The following FIGNL2 variants were observed in gnomAD, a reference collection of about 807,000 sequenced individuals.
The protein encoded by FIGNL2 is fidgetin like 2.
For missense variants in FIGNL2, 1,060 were observed against 950.2 expected, an observed-to-expected ratio of 1.12 and a Z score of -1.52; for synonymous variants, 565 against 484.0, an observed-to-expected ratio of 1.17 and a Z score of -2.20.
chr12:51,825,619 C>CTT (rs770930359), intron 1 of FIGNL2, among the ~76,000 whole-genome samples: 38,321 of 134,612 alleles, frequency 0.28, 5,955 homozygotes, highest in Non-Finnish European at 0.35. Flanking sequence ...CCATGACACT[C>CTT]TTTTTTTTTT....
chr12:51,845,702 C>T (rs1939737657), intron 1 of FIGNL2: 1 of 983,336 alleles, frequency 1.0e-6, no homozygotes, highest in South Asian at 4.7e-5. Flanking sequence ...CTCTTGCCCT[C>T]CCTGGCTGAC....
chr12:51,847,655 GCCT>G (rs1214615190), intron 1 of FIGNL2: 2 of 985,288 alleles, frequency 2.0e-6, no homozygotes, highest in East Asian at 2.3e-4. Flanking sequence ...CCCTTCCCAG[GCCT>G]CCTCCTCTGG....
chr12:51,823,778 T>G (rs1404483251), intron 1 of FIGNL2, among the ~76,000 whole-genome samples: 1 of 152,238 alleles, frequency 6.6e-6, no homozygotes, highest in African/African-American at 2.4e-5. Flanking sequence ...CTTCAACGGA[T>G]TTTTATGGAG....
intron 1 of FIGNL2, among the ~76,000 whole-genome samples, chr12:51,830,265 G>A (rs1484558101): frequency 6.6e-6 from 1 of 150,916 alleles, no homozygotes; most frequent in Non-Finnish European, 1.5e-5. Flanking sequence ...CTCCAGCCTG[G>A]GCAACAGAGC....
chr12:51,820,015 G>C lies in FIGNL2; in HGVS notation c.*437C>G. 1 of 196,026 alleles carries C rather than the reference G, an allele frequency of 5.1e-6. No individual in the cohort carries two copies. Among genetic ancestry groups the C allele is most frequent in the South Asian group, 8.3e-5 (1 of 12,080 alleles). The allele number at this position is 196,026 out of a possible 1,614,324, so 12.1% of individuals were successfully genotyped here. The stretch of plus-strand genomic sequence containing the variant: ...GAGAGAAACAGGGCCAGCATGGGGT[G>C]GGCAGGGGTGTCAGCGACAAAGCAA... On this transcript the variant is annotated 3_prime_UTR_variant, in exon 2 of 2. Coordinates refer to ENST00000618634, the MANE Select transcript of FIGNL2 (RefSeq NM_001384995.1).
At chr12:51,833,226 A>AT (rs1011793642) in intron 1 of FIGNL2, among the ~76,000 whole-genome samples, 3 of 151,760 alleles carry the variant, frequency 2.0e-5, no homozygotes, top group East Asian at 3.9e-4. Context: ...AATTTTTAAA[A>AT]TTTTTTTGTA....
rs112512724 is a variant in FIGNL2 at position 51,818,466 on chromosome 12, G to T, written c.*1986C>A. The T allele has an allele frequency of 2.0e-5, 3 of 150,824 alleles. No homozygotes were observed. The highest frequency in any genetic ancestry group is 7.3e-5 in the African/African-American group (3 of 41,142). The allele number at this position is 150,824 out of a possible 1,614,324, so 9.3% of individuals were successfully genotyped here. On this transcript the variant is annotated 3_prime_UTR_variant, in exon 2 of 2. Transcript: ENST00000618634. ...CTTTTGCAGCCTGCGGCTGTGACCCGGCAGCCCACTGCTTCTGAGGCACCA... is the reference window on the plus strand; with the variant it reads ...CTTTTGCAGCCTGCGGCTGTGACCCTGCAGCCCACTGCTTCTGAGGCACCA...
chr12:51,843,129 A>G (rs1388320173), intron 1 of FIGNL2, among the ~76,000 whole-genome samples: 1 of 152,198 alleles, frequency 6.6e-6, no homozygotes, highest in African/African-American at 2.4e-5. Context: ...TGTCCACTGC[A>G]TGTGTGGGGA....
At chr12:51,839,254 A>G (rs1294464532) in intron 1 of FIGNL2, among the ~76,000 whole-genome samples, 1 of 152,162 alleles carries the variant, frequency 6.6e-6, no homozygotes, top group Non-Finnish European at 1.5e-5. Flanking sequence ...GGGAGGGTCC[A>G]CAGAGACCTC....
chr12:51,833,209 C>T lies in FIGNL2; in HGVS notation c.-11-10785G>A, dbSNP rs549594263. ...ACCATAGGTGTGGTGGGCCACCACA[C>T]CCAGCTAATTTTTAAAATTTTTTTG... is the stretch of plus-strand genomic sequence containing the variant. On this transcript the variant is annotated intron_variant, in intron 1 of 1. Coordinates refer to ENST00000618634, the MANE Select transcript of FIGNL2 (RefSeq NM_001384995.1). Among the ~76,000 whole-genome samples, 3 of 152,052 alleles carry T rather than the reference C, an allele frequency of 2.0e-5. No individual in the cohort carries two copies. In the East Asian group the frequency reaches 5.8e-4, roughly 30 times the overall value.
chr12:51,831,779 G>A, intron 1 of FIGNL2: 1 of 154,438 alleles, frequency 6.5e-6, no homozygotes, highest in Middle Eastern at 5.2e-4. Context: ...CCTCTCTGCT[G>A]GGTCACTCTC....
At position 51,820,028 on chromosome 12, in the gene FIGNL2, A is replaced by T. The variant is rs1382650803; in HGVS notation, c.*424T>A. On this transcript the variant is annotated 3_prime_UTR_variant, in exon 2 of 2. Transcript: ENST00000618634. ...CCAGCATGGGGTGGGCAGGGGTGTC[A>T]GCGACAAAGCAAAAGGGAGAGAAAA... 1 of 198,750 alleles carries T rather than the reference A, an allele frequency of 5.0e-6. No individual in the cohort carries two copies. Among genetic ancestry groups the T allele is most frequent in the East Asian group, 1.8e-4 (1 of 5,486 alleles). The allele number at this position is 198,750 out of a possible 1,614,324, so 12.3% of individuals were successfully genotyped here.
In FIGNL2 at chr12:51,822,113, C is replaced by T; in HGVS notation, c.301G>A (p.Gly101Arg). The T allele has an allele frequency of 6.2e-7, 1 of 1,611,010 alleles. No individual in the cohort carries two copies. The highest frequency in any genetic ancestry group is 2.2e-5 in the East Asian group (1 of 44,718). Residue 101 changes from glycine (G) to arginine (R), a missense_variant, in exon 2 of 2, where the codon GGG (glycine) becomes AGG (arginine). Physicochemically the swap from Gly to Arg is moderately radical, Grantham distance 125. Coordinates refer to ENST00000618634, the MANE Select transcript of FIGNL2 (RefSeq NM_001384995.1). ...GAKGDPEPWP[G>R]PEPPYPLASL... ...GCCAAGGGGTAGGGTGGCTCCGGCC[C>T]TGGCCAGGGCTCGGGATCCCCTTTG...
chr12:51,844,661 T>C (rs2139003353), intron 1 of FIGNL2: 1 of 982,162 alleles, frequency 1.0e-6, no homozygotes, highest in Middle Eastern at 5.2e-4. Context: ...GCGTTAACTA[T>C]GATTCATCAA....
intron 1 of FIGNL2, 88 bp downstream of exon 1, chr12:51,848,452 G>A: frequency 2.0e-6 from 2 of 980,590 alleles, no homozygotes; most frequent in Non-Finnish European, 2.4e-6. Flanking sequence ...GGCCCTCTCC[G>A]GCCCCGGGCC....
intron 1 of FIGNL2, among the ~76,000 whole-genome samples, chr12:51,844,224 G>A (rs1939707275): frequency 6.6e-6 from 1 of 152,194 alleles, no homozygotes; most frequent in African/African-American, 2.4e-5. Context: ...GAAGCACAAA[G>A]CTTGGTCTCT....
intron 1 of FIGNL2, chr12:51,847,105 G>T (rs1939768147): frequency 2.9e-5 from 29 of 985,312 alleles, no homozygotes; most frequent in Non-Finnish European, 3.5e-5. Flanking sequence ...GCACCGGGCA[G>T]CCCGGCGCGC....
chr12:51,831,416 A>G (rs1258313521), intron 1 of FIGNL2, among the ~76,000 whole-genome samples: 1 of 152,190 alleles, frequency 6.6e-6, no homozygotes, highest in East Asian at 1.9e-4. Flanking sequence ...ACAGCACCCC[A>G]GTTAAGCAGG....
chr12:51,821,915 G>C lies in FIGNL2; in HGVS notation c.499C>G (p.Leu167Val). Residue 167 changes from leucine (L) to valine (V), a missense_variant, in exon 2 of 2, where the codon CTG becomes GTG. Leu to Val is a conservative substitution (Grantham distance 32). Transcript: ENST00000618634. ...EYAAGYGGGY[L>V]APGYCAQTGA... Reference sequence around the variant, plus strand: ...GTCTGCGCGCAGTAACCCGGCGCCAGGTACCCCCCGCCGTAGCCGGCCGCG... The same window carrying C: ...GTCTGCGCGCAGTAACCCGGCGCCACGTACCCCCCGCCGTAGCCGGCCGCG... 6.7e-7 allele frequency: 1 copy of C among 1,485,194 alleles called. No individual in the cohort carries two copies. The highest frequency in any genetic ancestry group is 8.9e-7 in the Non-Finnish European group (1 of 1,121,460). 92.0% of individuals were successfully genotyped at this position (1,485,194 alleles called of 1,614,324 possible).
Sources: gnomAD v4.1 joint callset for allele counts (sites outside exome capture counted in the v4.1 genomes callset) on GRCh38, gnomAD v4.1.1 for gene constraint, MANE v1.5 for transcripts, NCBI Gene and HGNC (gene_info 2026-07-23, HGNC 2026-07-21) for gene names.